SV2C: variants seen among roughly 807,000 people sequenced by gnomAD.
SV2C encodes the protein synaptic vesicle glycoprotein 2C.
SV2C carries 49 observed loss-of-function variants against 79.7 expected under a neutral mutation model. The observed-to-expected ratio is 0.61, with a 90% CI of 0.49 to 0.78. The LOEUF is 0.78. SV2C is among the 30% of genes least tolerant of loss of function. The pLI is 0.00. For missense variants in SV2C, 833 were observed against 912.9 expected (o/e 0.91, Z 1.13); for synonymous variants, 334 against 333.2 (o/e 1.00, Z -0.03).
chr5:75,860,146 G>A, the SV2C span, among the ~76,000 whole-genome samples: 1 of 152,058 alleles, frequency 6.6e-6, no homozygotes, highest in Non-Finnish European at 1.5e-5. Context: ...AAATCCTAAG[G>A]ACTCTGTCAA....
chr5:76,303,544 T>C (rs1748083746), intron 12 of SV2C, among the ~76,000 whole-genome samples: 1 of 152,136 alleles, frequency 6.6e-6, no homozygotes, highest in Admixed American at 6.5e-5. Flanking sequence ...TCTTGTATAC[T>C]ATAAGAGTGT....
At chr5:75,898,033 C>T in the SV2C span, among the ~76,000 whole-genome samples, 22 of 151,984 alleles carry the variant, frequency 1.4e-4, no homozygotes, top group East Asian at 1.7e-3. Context: ...ATTTGACTTC[C>T]TCTTTTCCTA....
At chr5:76,205,992 C>T (rs929390283) in intron 3 of SV2C, among the ~76,000 whole-genome samples, 1 of 152,198 alleles carries the variant, frequency 6.6e-6, no homozygotes, top group Non-Finnish European at 1.5e-5. Flanking sequence ...CCTACTGATA[C>T]ATGGGAATTT....
upstream of SV2C, chr5:76,078,862 C>T: frequency 1.7e-6 from 1 of 576,522 alleles, no homozygotes; most frequent in Non-Finnish European, 3.5e-6. Context: ...GAGAATTTAC[C>T]TACATGGATT....
At chr5:76,052,451 T>C in the SV2C span, among the ~76,000 whole-genome samples, 1 of 152,202 alleles carries the variant, frequency 6.6e-6, no homozygotes, top group African/African-American at 2.4e-5. Context: ...GGCTCCTGGC[T>C]GACTTCTATG....
At chr5:76,134,433 A>G (rs1240308465) in intron 2 of SV2C, among the ~76,000 whole-genome samples, 1 of 152,182 alleles carries the variant, frequency 6.6e-6, no homozygotes, top group Non-Finnish European at 1.5e-5. Flanking sequence ...ATAGCTTTGT[A>G]ATATAATTAC....
chr5:76,011,649 A>G, the SV2C span, among the ~76,000 whole-genome samples: 1 of 152,020 alleles, frequency 6.6e-6, no homozygotes, highest in Admixed American at 6.6e-5. Flanking sequence ...TCTGGGATAC[A>G]TGTGCAGAAC....
chr5:75,945,493 T>C, the SV2C span, among the ~76,000 whole-genome samples: 1 of 150,208 alleles, frequency 6.7e-6, no homozygotes, highest in Non-Finnish European at 1.5e-5. Context: ...TATTATTATT[T>C]TTTTTGGTAG....
intron 1 of SV2C, among the ~76,000 whole-genome samples, chr5:76,119,363 A>G (rs185794489): frequency 1.3e-5 from 2 of 152,014 alleles, no homozygotes; most frequent in Admixed American, 1.3e-4. Flanking sequence ...ACTGACTTCA[A>G]AAGAAAGAAG....
chr5:75,959,172 A>T, the SV2C span, among the ~76,000 whole-genome samples: 1 of 151,992 alleles, frequency 6.6e-6, no homozygotes, highest in Non-Finnish European at 1.5e-5. Context: ...GACCTGTGAC[A>T]GTCCAGAGTT....
chr5:76,213,409 G>A (rs925051625), intron 4 of SV2C, among the ~76,000 whole-genome samples: 4 of 152,110 alleles, frequency 2.6e-5, no homozygotes, highest in African/African-American at 7.2e-5. Context: ...TGTAAAATTT[G>A]TTAAACTGAG....
the SV2C span, among the ~76,000 whole-genome samples, chr5:75,903,578 G>C: frequency 6.6e-6 from 1 of 152,050 alleles, no homozygotes; most frequent in Non-Finnish European, 1.5e-5. Context: ...AAGCCTAACT[G>C]TATTAAATCT....
At chr5:75,864,310 C>CTCCATCCG in the SV2C span, among the ~76,000 whole-genome samples, 1 of 149,594 alleles carries the variant, frequency 6.7e-6, no homozygotes, top group Non-Finnish European at 1.5e-5. Context: ...TCCAGTGCCA[C>CTCCATCCG]TCCATCCATC....
chr5:76,139,442 C>G (rs570114313), intron 2 of SV2C, among the ~76,000 whole-genome samples: 2 of 152,142 alleles, frequency 1.3e-5, no homozygotes, highest in African/African-American at 4.8e-5. Flanking sequence ...AATATGCTGG[C>G]CAAAGATTGC....
At chr5:76,172,386 T>C (rs1243493969) in intron 2 of SV2C, among the ~76,000 whole-genome samples, 1 of 58,426 alleles carries the variant, frequency 1.7e-5, no homozygotes, top group Non-Finnish European at 3.2e-5. Flanking sequence ...GAGGAGCCCC[T>C]CTGCCCGGCC....
chr5:75,855,352 C>CT, the SV2C span, among the ~76,000 whole-genome samples: 2 of 152,094 alleles, frequency 1.3e-5, no homozygotes, highest in Non-Finnish European at 2.9e-5. Flanking sequence ...TACACAGTGA[C>CT]TATTATCCTG....
chr5:76,060,858 T>G, the SV2C span, among the ~76,000 whole-genome samples: 15 of 152,152 alleles, frequency 9.9e-5, no homozygotes, highest in African/African-American at 2.9e-4. Context: ...ATATCTAGCT[T>G]TTGAGTTCAA....
the SV2C span, among the ~76,000 whole-genome samples, chr5:76,035,605 A>G: frequency 6.3e-5 from 4 of 63,680 alleles, no homozygotes; most frequent in East Asian, 4.2e-4. Flanking sequence ...TTGCACTGTG[A>G]TCTGAGAGAT....
intron 1 of SV2C, among the ~76,000 whole-genome samples, chr5:76,099,078 T>A (rs913053429): frequency 6.6e-6 from 1 of 152,190 alleles, no homozygotes; most frequent in African/African-American, 2.4e-5. Flanking sequence ...TGAGTTGCTA[T>A]GTTGATTATC....
Sources: gnomAD v4.1 joint callset for allele counts (sites outside exome capture counted in the v4.1 genomes callset) on GRCh38, gnomAD v4.1.1 for gene constraint, MANE v1.5 for transcripts, NCBI Gene and HGNC (gene_info 2026-07-23, HGNC 2026-07-21) for gene names.